Variants in COL4A2 observed in about 807,000 individuals in gnomAD.
The protein encoded by COL4A2 is collagen type IV alpha 2 chain.
Under a neutral mutation model 200.2 loss-of-function variants are expected in COL4A2, and 99 were observed. That is an observed-to-expected ratio of 0.49 (90% CI 0.42 to 0.58). The LOEUF is 0.58. Ranked by LOEUF, COL4A2 falls within the 20% of genes least tolerant of loss-of-function variation. COL4A2 has a pLI of 0.00. For missense variants in COL4A2, 1,950 were observed against 2,314.1 expected, an observed-to-expected ratio of 0.84 and a Z score of 3.23; for synonymous variants, 897 against 900.6, an observed-to-expected ratio of 1.00 and a Z score of 0.07.
At chr13:110,458,054 C>G in intron 21 of COL4A2, 1 of 452,124 alleles carries the variant, frequency 2.2e-6, no homozygotes, top group Non-Finnish European at 4.6e-6. Context: ...CTCACCTCTC[C>G]CCTCCCAGAA....
chr13:110,456,216 G>C (rs1881728205), intron 20 of COL4A2, among the ~76,000 whole-genome samples: 1 of 152,250 alleles, frequency 6.6e-6, no homozygotes, highest in Non-Finnish European at 1.5e-5. Context: ...AAGGTGGTGG[G>C]CGAGGTCATC....
At chr13:110,438,719 C>T (rs750203346) in intron 15 of COL4A2, 51 bp downstream of exon 15, 1 of 1,612,066 alleles carries the variant, frequency 6.2e-7, no homozygotes. Context: ...TGGTTTTTTT[C>T]AGTAGGCTTT....
chr13:110,474,621 C>T (rs1882606209), intron 29 of COL4A2, among the ~76,000 whole-genome samples: 1 of 152,220 alleles, frequency 6.6e-6, no homozygotes, highest in African/African-American at 2.4e-5. Context: ...ATCACATACA[C>T]ACATGCAGAT....
intron 22 of COL4A2, among the ~76,000 whole-genome samples, chr13:110,461,303 C>T (rs1046561093): frequency 1.3e-5 from 2 of 152,178 alleles, no homozygotes; most frequent in Admixed American, 6.5e-5. Flanking sequence ...TAGAGGAAGC[C>T]ACCTTGACTT....
intron 40 of COL4A2, among the ~76,000 whole-genome samples, chr13:110,500,083 C>A (rs1018663857): frequency 1.3e-5 from 2 of 152,202 alleles, no homozygotes; most frequent in African/African-American, 4.8e-5. Flanking sequence ...TTTTGTCCTA[C>A]TTGGAAGCAC....
chr13:110,392,605 A>G (rs938579327), intron 4 of COL4A2, among the ~76,000 whole-genome samples: 1 of 152,156 alleles, frequency 6.6e-6, no homozygotes, highest in Admixed American at 6.5e-5. Flanking sequence ...CCCCTACCCC[A>G]TGCAGAAAAA....
rs571432776 is a variant in COL4A2, at chr13:110,321,479, C to T, written c.99+13356C>T. ...GAAATTCCATGTGCATTAAATACCTCTGCATCCCATCCTTCCCCCACCCTC... is the reference window on the plus strand; with the variant it reads ...GAAATTCCATGTGCATTAAATACCTTTGCATCCCATCCTTCCCCCACCCTC... On this transcript the variant is annotated intron_variant, in intron 3 of 47. Transcript: ENST00000360467. 4.3e-4 allele frequency among the ~76,000 whole-genome samples: 66 copies of T among 152,328 alleles called. 1 individual carries two copies. The highest frequency in any genetic ancestry group is 1.5e-3 in the African/African-American group (61 of 41,570).
At chr13:110,442,997 C>T (rs1881188393) in intron 16 of COL4A2, among the ~76,000 whole-genome samples, 1 of 152,196 alleles carries the variant, frequency 6.6e-6, no homozygotes, top group African/African-American at 2.4e-5. Flanking sequence ...TCCAGGACTT[C>T]AGGGATGTTG....
At chr13:110,487,200 C>G (rs1199717508) in intron 34 of COL4A2, among the ~76,000 whole-genome samples, 1 of 152,212 alleles carries the variant, frequency 6.6e-6, no homozygotes, top group African/African-American at 2.4e-5. Context: ...GCCTATAATC[C>G]CAGCACTTTG....
intron 3 of COL4A2, among the ~76,000 whole-genome samples, chr13:110,327,174 A>G (rs935278162): frequency 5.3e-5 from 8 of 152,090 alleles, no homozygotes; most frequent in African/African-American, 1.9e-4. Context: ...TGTCCCCAGC[A>G]CACACACTCT....
chr13:110,319,146 G>T (rs1345160626), intron 3 of COL4A2, among the ~76,000 whole-genome samples: 1 of 152,048 alleles, frequency 6.6e-6, no homozygotes, highest in Non-Finnish European at 1.5e-5. Context: ...TAGTCTTCAC[G>T]ATTCTGGTGC....
At position 110,449,667 on chromosome 13, in the gene COL4A2, T is replaced by G; in HGVS notation, c.1079-12T>G. On this transcript the variant is annotated splice_polypyrimidine_tract_variant and intron_variant, in intron 18 of 47. Transcript: ENST00000360467. ...GGTCTTGTTCTTACTGTGGGACTTG[T>G]TTCCCTTCCAGGTGCCAGAGGTGAC... 1 of 1,537,374 alleles carries G rather than the reference T, an allele frequency of 6.5e-7. No individual in the cohort carries two copies. The highest frequency in any genetic ancestry group is 2.5e-5 in the East Asian group (1 of 40,682).
intron 15 of COL4A2, 93 bp from the exon 16 acceptor site, chr13:110,439,689 GGCATTTT>G (rs1881048053): frequency 2.5e-6 from 4 of 1,580,280 alleles, no homozygotes; most frequent in Non-Finnish European, 3.4e-6. Context: ...TCTGTCCATC[GGCATTTT>G]GCTGTGATCA....
At chr13:110,457,848 C>A in intron 21 of COL4A2, 1 of 454,716 alleles carries the variant, frequency 2.2e-6, no homozygotes, top group Non-Finnish European at 4.6e-6. Context: ...GTATAGTCAC[C>A]ATCCCTGGTC....
rs76149180 is a variant in COL4A2 at position 110,485,544 on chromosome 13, A to AAAG, written c.3026-109_3026-107dup. 3.1e-4 allele frequency: 182 copies of AAAG among 577,786 alleles called. 12 individuals carry two copies. Among genetic ancestry groups the AAAG allele is most frequent in the African/African-American group, 4.8e-4 (24 of 49,634 alleles). The allele number at this position is 577,786 out of a possible 1,614,324, so 35.8% of individuals were successfully genotyped here. A position where few individuals can be genotyped will look rare whatever the true frequency, so the allele number is the denominator to read the frequency against. On this transcript the variant is annotated intron_variant, in intron 33 of 47. Transcript: ENST00000360467. Reference sequence around the variant, plus strand: ...TCTCAAAAAAAAAAAAAAAAAAAAAAAAGATTCACAGCACGTAGGACAGCA... The same window carrying AAAG: ...TCTCAAAAAAAAAAAAAAAAAAAAAAAAGAAGATTCACAGCACGTAGGACAGCA...
At chr13:110,413,554 G>A (rs1434030039) in intron 4 of COL4A2, among the ~76,000 whole-genome samples, 1 of 152,214 alleles carries the variant, frequency 6.6e-6, no homozygotes, top group Admixed American at 6.5e-5. Flanking sequence ...ATGGCCCTGA[G>A]GTTCCAGAGA....
chr13:110,449,691 A>G lies in COL4A2; in HGVS notation c.1091A>G (p.Asp364Gly). ...GTTTCCCTTCCAGGTGCCAGAGGTG[A>G]CCCGGGATTCCCAGGGGCCCAAGGG... ...HPSLAKGARGDPGFPGAQGEP... is the reference protein window; with the variant it reads ...HPSLAKGARGGPGFPGAQGEP... The change falls in exon 19 of 48, where the codon GAC becomes GGC. Residue 364 changes from aspartate to glycine, a missense_variant. Coordinates refer to ENST00000360467, the MANE Select transcript of COL4A2 (RefSeq NM_001846.4). 6.5e-7 allele frequency: 1 copy of G among 1,548,588 alleles called. No homozygotes were observed. The highest frequency in any genetic ancestry group is 8.7e-7 in the Non-Finnish European group (1 of 1,145,356).
rs567443362 is a variant in COL4A2, at chr13:110,311,225, A to G, written c.99+3102A>G. 9.2e-5 allele frequency among the ~76,000 whole-genome samples: 14 copies of G among 152,322 alleles called. No individual in the cohort carries two copies. In the South Asian group the frequency reaches 2.9e-3, roughly 32 times the overall value. ...TCCCAAAGGGAGGAAAGGAAGCCGA[A>G]ATCCCACGGGGCAGCCTGGGCTCTA... On this transcript the variant is annotated intron_variant, in intron 3 of 47. Coordinates refer to ENST00000360467, the MANE Select transcript of COL4A2 (RefSeq NM_001846.4).
At chr13:110,457,197 G>A (rs750934426) in intron 20 of COL4A2, 146 bp from the exon 21 acceptor site, 7 of 387,438 alleles carry the variant, frequency 1.8e-5, no homozygotes, top group South Asian at 6.0e-5. Flanking sequence ...GATGCCCTGC[G>A]TCTGCGTGGG....
Sources: gnomAD v4.1 joint callset for allele counts (sites outside exome capture counted in the v4.1 genomes callset) on GRCh38, gnomAD v4.1.1 for gene constraint, MANE v1.5 for transcripts, NCBI Gene and HGNC (gene_info 2026-07-23, HGNC 2026-07-21) for gene names.